The following ZZEF1 variants were observed in gnomAD, a reference collection of about 807,000 sequenced individuals.
ZZEF1 encodes the protein zinc finger ZZ-type and EF-hand domain-containing protein 1.
A neutral mutation model predicts 342.8 loss-of-function variants in ZZEF1; 157 were observed. That is an observed-to-expected ratio of 0.46 (90% CI 0.40 to 0.52). The LOEUF (loss-of-function observed/expected upper bound fraction) is 0.52. ZZEF1 is among the 20% of genes least tolerant of loss of function. ZZEF1 has a pLI of 0.00. For missense variants in ZZEF1, 3,480 were observed against 3,725.6 expected (o/e 0.93, Z 1.72); for synonymous variants, 1,505 against 1,429.1 (o/e 1.05, Z -1.20).
chr17:4,109,835 A>G lies in ZZEF1; in HGVS notation c.1095T>C (p.Leu365=). ...GAATTCTAGTGTCGCAGCCATCGCT[A>G]AGACAACGCTTTATGTTAATCTGGA... ...LYVQINIKRC[L]SDGCDTRIHG... The change falls in exon 6 of 55, where the codon CTT becomes CTC. Residue 365 remains leucine, a synonymous_variant. Transcript: ENST00000381638. The G allele has an allele frequency of 6.2e-7, 1 of 1,614,218 alleles. No homozygotes were observed. Among genetic ancestry groups the G allele is most frequent in the Non-Finnish European group, 8.5e-7 (1 of 1,180,042 alleles).
In ZZEF1 at chr17:4,124,609, ATTT is replaced by A. The variant is rs34282931; in HGVS notation, c.355-561_355-559del. On this transcript the variant is annotated intron_variant, in intron 1 of 54. Coordinates refer to ENST00000381638, the MANE Select transcript of ZZEF1 (RefSeq NM_015113.4). ...AGGCGCCTGCCACAACGCCAAGCTG[ATTT>A]TTTTTTTTTTTTTTTTTGTATTTTC... Among the ~76,000 whole-genome samples the A allele has an allele frequency of 8.2e-3, 1,040 of 126,744 alleles. 10 individuals carry two copies. Among genetic ancestry groups the A allele is most frequent in the Middle Eastern group, 0.023 (6 of 256 alleles). 83.1% of individuals were successfully genotyped at this position (126,744 alleles called of 152,430 possible).
Position 4,059,231 on chromosome 17 carries a change from TA to T in ZZEF1, c.4942del (p.Tyr1648ThrfsTer18). 6.2e-7 allele frequency: 1 copy of T among 1,608,684 alleles called. No individual in the cohort carries two copies. Among genetic ancestry groups the T allele is most frequent in the Non-Finnish European group, 8.5e-7 (1 of 1,179,158 alleles). On this transcript the variant is annotated frameshift_variant, in exon 31 of 55. Transcript: ENST00000381638. LOFTEE classifies it high-confidence loss of function. ...GACCAAAAACAGAACAAGTTGATAG[TA>T]AGTGTCTCGAATTTCTTTGTGTAGA... Reference protein sequence around the residue: ...ADLHKEIRDTYYQLVLFLVKA... With the variant: ...ADLHKEIRDTXYQLVLFLVKA...
chr17:4,096,065 G>A, intron 10 of ZZEF1, 86 bp from the exon 11 acceptor site: 1 of 1,411,378 alleles, frequency 7.1e-7, no homozygotes, highest in Non-Finnish European at 9.5e-7. Flanking sequence ...ATTCAAACAG[G>A]TTAAAACAAA....
chr17:4,068,286 C>T lies in ZZEF1; in HGVS notation c.4076-1044G>A, dbSNP rs558000043. On this transcript the variant is annotated intron_variant, in intron 26 of 54. Transcript: ENST00000381638. ...GTTTTGTTTATAATTAGAAAAATAA[C>T]AATTTTTTTTGAGACAGAGTTTTGC... Among the ~76,000 whole-genome samples the T allele has an allele frequency of 5.7e-4, 87 of 152,136 alleles. No individual in the cohort carries two copies. The Middle Eastern group carries it at 0.014, about 24-fold the overall frequency.
In ZZEF1 at chr17:4,086,603, T is replaced by C. The variant is rs772686602; in HGVS notation, c.2395A>G (p.Ser799Gly). ...AQTLLLQLLQSCFSVLQGDVL... is the reference protein window; with the variant it reads ...AQTLLLQLLQGCFSVLQGDVL... ...TCTCCCTGCAGCACAGAGAAGCAGC[T>C]CTGGAGTAGCTGCAGAAGCAGGGTT... Residue 799 changes from serine to glycine, a missense_variant, in exon 15 of 55, where the codon AGC becomes GGC. Physicochemically the swap from Ser to Gly is moderately conservative, Grantham distance 56. This residue lies in a region of ZZEF1 where 1,528 missense variants were observed against 1,624.1 expected (regional missense o/e 0.94). Transcript: ENST00000381638. 1.2e-6 allele frequency: 2 copies of C among 1,614,108 alleles called. No homozygotes were observed. The highest frequency in any genetic ancestry group is 3.3e-5 in the Admixed American group (2 of 60,016).
intron 39 of ZZEF1, among the ~76,000 whole-genome samples, chr17:4,034,637 TAAC>T (rs2056621573): frequency 2.0e-5 from 3 of 152,226 alleles, no homozygotes; most frequent in Non-Finnish European, 4.4e-5. Flanking sequence ...GGCCAGGAGA[TAAC>T]AACTGTTAAG....
chr17:4,074,117 G>C lies in ZZEF1; in HGVS notation c.3685+33C>G, dbSNP rs112438340. ...GCGCATCTTGCACTTCACCGTGGTT[G>C]TAAGAAGGGAAAGCACAGGGATGTG... On this transcript the variant is annotated intron_variant, in intron 24 of 54. Coordinates refer to ENST00000381638, the MANE Select transcript of ZZEF1 (RefSeq NM_015113.4). 13 of 1,608,098 alleles carry C rather than the reference G, an allele frequency of 8.1e-6. No homozygotes were observed. In the East Asian group the frequency reaches 1.6e-4, roughly 19 times the overall value.
chr17:4,008,030 C>T lies in ZZEF1; in HGVS notation c.8805+853G>A, dbSNP rs1426146565. On this transcript the variant is annotated intron_variant, in intron 54 of 54. Coordinates refer to ENST00000381638, the MANE Select transcript of ZZEF1 (RefSeq NM_015113.4). This position sits in a 1 kb window ranked among gnomAD's most constrained non-coding sequence, Gnocchi z 4.2. ...AAGGTTCTCAAAATGTACTCTGGGG[C>T]CAGGCGACTCCCGAGACCCTTTTGG... 7.1e-6 allele frequency among the ~76,000 whole-genome samples: 1 copy of T among 141,000 alleles called. No homozygotes were observed. Among genetic ancestry groups the T allele is most frequent in the Non-Finnish European group, 1.6e-5 (1 of 63,872 alleles). 92.5% of individuals were successfully genotyped at this position (141,000 alleles called of 152,430 possible). A position where few individuals can be genotyped will look rare whatever the true frequency, so the allele number is the denominator to read the frequency against.
intron 18 of ZZEF1, among the ~76,000 whole-genome samples, chr17:4,080,269 G>C (rs566324505): frequency 8.7e-4 from 132 of 151,918 alleles, no homozygotes; most frequent in African/African-American, 3.1e-3. Context: ...ACAGAAAAAA[G>C]ATAATATACT....
chr17:4,033,358 A>G (rs908735667), intron 40 of ZZEF1: 7 of 174,866 alleles, frequency 4.0e-5, no homozygotes, highest in Middle Eastern at 2.4e-3. Flanking sequence ...TATTATTATT[A>G]TTTTTTTGAG....
chr17:4,054,308 T>C, intron 33 of ZZEF1, 113 bp from the exon 34 acceptor site: 1 of 1,193,592 alleles, frequency 8.4e-7, no homozygotes, highest in Non-Finnish European at 1.2e-6. Context: ...TTGTACTAAG[T>C]GCTAGGATTT....
intron 1 of ZZEF1, among the ~76,000 whole-genome samples, chr17:4,135,302 C>T (rs974878691): frequency 1.1e-4 from 16 of 152,084 alleles, no homozygotes; most frequent in African/African-American, 3.6e-4. Flanking sequence ...ATGATGAAAC[C>T]CCATCTCTAC....
rs755445063 is a variant in ZZEF1 at position 4,075,317 on chromosome 17, G to A, written c.3347C>T (p.Pro1116Leu). 14 of 1,614,190 alleles carry A rather than the reference G, an allele frequency of 8.7e-6. No individual in the cohort carries two copies. In the South Asian group the frequency reaches 1.4e-4, roughly 16 times the overall value. Residue 1116 changes from proline to leucine, a missense_variant, in exon 22 of 55, where the codon CCA (proline) becomes CTA (leucine). This residue lies in a region of ZZEF1 where 1,528 missense variants were observed against 1,624.1 expected (regional missense o/e 0.94). Coordinates refer to ENST00000381638, the MANE Select transcript of ZZEF1 (RefSeq NM_015113.4). Reference sequence around the variant, plus strand: ...TTCCACTTCAAAATAGGTTGCCCCTGGGCTAACAAAGACGGATACCTCATG... The same window carrying A: ...TTCCACTTCAAAATAGGTTGCCCCTAGGCTAACAAAGACGGATACCTCATG... Reference protein sequence around the residue: ...NCHEVSVFVSPGATYFEVEFD... With the variant: ...NCHEVSVFVSLGATYFEVEFD...
chr17:4,043,102 C>T (rs2056837530), intron 38 of ZZEF1, among the ~76,000 whole-genome samples: 2 of 152,334 alleles, frequency 1.3e-5, no homozygotes, highest in Admixed American at 1.3e-4. Flanking sequence ...TCTCTTACCC[C>T]CGCCCTCCCC....
At chr17:4,076,190 G>A (rs983216887) in intron 21 of ZZEF1, 4 of 144,400 alleles carry the variant, frequency 2.8e-5, no homozygotes, top group Non-Finnish European at 3.0e-5. Context: ...GGAGTGCAGT[G>A]GCGCAATCTC....
chr17:4,076,623 C>G lies in ZZEF1; in HGVS notation c.3234+14G>C. The G allele has an allele frequency of 6.2e-7, 1 of 1,601,994 alleles. No homozygotes were observed. The highest frequency in any genetic ancestry group is 8.5e-7 in the Non-Finnish European group (1 of 1,173,196). ...GAGAGAACACGGGGCGGCTCAAGTG[C>G]TGACTCGAGTTACCTTCCTCAGTCC... On this transcript the variant is annotated intron_variant, in intron 21 of 54. Coordinates refer to ENST00000381638, the MANE Select transcript of ZZEF1 (RefSeq NM_015113.4).
chr17:4,096,089 A>C, intron 10 of ZZEF1, 110 bp from the exon 11 acceptor site: 2 of 1,204,440 alleles, frequency 1.7e-6, no homozygotes, highest in East Asian at 5.1e-5. Flanking sequence ...AGACCAATGA[A>C]AAATATTTCA....
At chr17:4,032,283 A>T in intron 41 of ZZEF1, 25 bp from the exon 42 acceptor site, 1 of 1,601,060 alleles carries the variant, frequency 6.2e-7, no homozygotes, top group Non-Finnish European at 8.5e-7. Context: ...ACAGAGACAG[A>T]AAGGCAACTC....
intron 37 of ZZEF1, among the ~76,000 whole-genome samples, chr17:4,049,146 T>C (rs1173126128): frequency 6.6e-6 from 1 of 152,204 alleles, no homozygotes; most frequent in Non-Finnish European, 1.5e-5. Context: ...TAGCTCAAAG[T>C]ACGTCATATA....
Sources: gnomAD v4.1 joint callset for allele counts (sites outside exome capture counted in the v4.1 genomes callset) on GRCh38, gnomAD v4.1.1 for gene constraint, gnomAD v4.1.1 regional missense constraint, Gnocchi (gnomAD v3.1) non-coding constraint, MANE v1.5 for transcripts, NCBI Gene and HGNC (gene_info 2026-07-23, HGNC 2026-07-21) for gene names.